ECE1: variants seen among roughly 807,000 people sequenced by gnomAD.
ECE1 encodes endothelin converting enzyme 1.
In ECE1, 35 loss-of-function variants were observed where a neutral mutation model predicts 98.6. The ratio of observed to expected loss-of-function variants is 0.35; its 90% CI spans 0.27 to 0.47. The LOEUF (loss-of-function observed/expected upper bound fraction) is 0.47. Ranked by LOEUF, ECE1 falls within the 20% of genes least tolerant of loss-of-function variation. ECE1 has a pLI of 1.00. For missense variants in ECE1, 814 were observed against 1,025.3 expected (o/e 0.79, Z 2.81); for synonymous variants, 394 against 407.1 (o/e 0.97, Z 0.39).
Position 21,238,260 on chromosome 1 carries a change from CAG to C in ECE1, c.1279-18_1279-17del. The C allele has an allele frequency of 1.2e-6, 2 of 1,605,102 alleles. No individual in the cohort carries two copies. Among genetic ancestry groups the C allele is most frequent in the Non-Finnish European group, 1.7e-6 (2 of 1,172,772 alleles). Reference sequence around the variant, plus strand: ...GAAGACAGGTCTGGAAAACACAAGTCAGGGGGCTCGCTGGGCCCCAGCCCTTT... The same window carrying C: ...GAAGACAGGTCTGGAAAACACAAGTCGGGGCTCGCTGGGCCCCAGCCCTTT... On this transcript the variant is annotated splice_polypyrimidine_tract_variant and intron_variant, in intron 10 of 18. Coordinates refer to ENST00000374893, the MANE Select transcript of ECE1 (RefSeq NM_001397.3).
intron 3 of ECE1, among the ~76,000 whole-genome samples, chr1:21,273,611 G>A (rs1051166792): frequency 6.6e-6 from 1 of 152,142 alleles, no homozygotes; most frequent in Admixed American, 6.5e-5. Context: ...GGAGGAAATA[G>A]GAAAAATCAC....
rs181972813 is a variant in ECE1, at chr1:21,217,683, G to A, written c.*2272C>T. 6.6e-6 allele frequency: 1 copy of A among 152,438 alleles called. No individual in the cohort carries two copies. Among genetic ancestry groups the A allele is most frequent in the African/African-American group, 2.4e-5 (1 of 41,466 alleles). 9.4% of individuals were successfully genotyped at this position (152,438 alleles called of 1,614,324 possible). ...AGGGTCGGGGGAGGGGAGGCAGAGG[G>A]GACACCATGGCTGGGAGAAGCCCGC... is the stretch of plus-strand genomic sequence containing the variant. On this transcript the variant is annotated 3_prime_UTR_variant, in exon 19 of 19. Transcript: ENST00000374893.
intron 9 of ECE1, among the ~76,000 whole-genome samples, chr1:21,246,722 TCA>T (rs1165795980): frequency 2.6e-5 from 4 of 152,112 alleles, no homozygotes; most frequent in Non-Finnish European, 5.9e-5. Flanking sequence ...AACAGTGCAA[TCA>T]CAGCTCACTA....
chr1:21,243,076 G>T (rs751168561), intron 10 of ECE1, among the ~76,000 whole-genome samples: 4 of 152,224 alleles, frequency 2.6e-5, no homozygotes, highest in Non-Finnish European at 5.9e-5. Context: ...CTGCAGAGCA[G>T]AGGCTGAGTG....
chr1:21,274,467 A>G (rs942877960), intron 3 of ECE1, among the ~76,000 whole-genome samples: 8 of 152,206 alleles, frequency 5.3e-5, no homozygotes, highest in African/African-American at 1.9e-4. Context: ...CAGTTTATCC[A>G]TCTAAAAGTT....
At chr1:21,250,959 A>T (rs1201372998) in intron 8 of ECE1, among the ~76,000 whole-genome samples, 1 of 147,238 alleles carries the variant, frequency 6.8e-6, no homozygotes, top group Non-Finnish European at 1.5e-5. Context: ...GTGAGCGGGG[A>T]TCGCGCCACT....
intron 10 of ECE1, among the ~76,000 whole-genome samples, chr1:21,243,076 G>C (rs751168561): frequency 2.6e-5 from 4 of 152,224 alleles, no homozygotes; most frequent in African/African-American, 4.8e-5. Context: ...CTGCAGAGCA[G>C]AGGCTGAGTG....
chr1:21,272,861 T>C lies in ECE1; in HGVS notation c.331A>G (p.Ile111Val), dbSNP rs2098241911. 2 of 1,614,236 alleles carry C rather than the reference T, an allele frequency of 1.2e-6. No individual in the cohort carries two copies. The highest frequency in any genetic ancestry group is 8.5e-7 in the Non-Finnish European group (1 of 1,180,044). Reference protein sequence around the residue: ...SEACVSVTSSILSSMDPTVDP... With the variant: ...SEACVSVTSSVLSSMDPTVDP... ...ACTGTGGGGTCCATGGAGCTCAAGA[T>C]GGAGCTGGTCACTGAGACACAAGCT... Residue 111 changes from isoleucine to valine, a missense_variant, in exon 4 of 19, where the codon ATC (isoleucine) becomes GTC (valine). Around this residue, in one of 3 missense-constraint regions of ECE1, gnomAD observed 257 missense variants for 278.9 expected, o/e 0.92. Transcript: ENST00000374893.
At chr1:21,252,242 G>C (rs2098213769) in intron 8 of ECE1, among the ~76,000 whole-genome samples, 1 of 152,224 alleles carries the variant, frequency 6.6e-6, no homozygotes, top group Non-Finnish European at 1.5e-5. Context: ...TGTCAGATAA[G>C]ATGTGTTGAA....
Position 21,345,444 on chromosome 1 carries a change from G to A in ECE1, c.-66C>T. The A allele has an allele frequency of 7.8e-7, 1 of 1,285,016 alleles. No homozygotes were observed. The highest frequency in any genetic ancestry group is 1.0e-6 in the Non-Finnish European group (1 of 1,001,154). 79.6% of individuals were successfully genotyped at this position (1,285,016 alleles called of 1,614,324 possible). A position where few individuals can be genotyped will look rare whatever the true frequency, so the allele number is the denominator to read the frequency against. ...CCCGGCTCCCGATTCCCAGCTCCGGGTTCCCTGCTCCCAGCCCAGCTGCTC... is the reference window on the plus strand; with the variant it reads ...CCCGGCTCCCGATTCCCAGCTCCGGATTCCCTGCTCCCAGCCCAGCTGCTC... On this transcript the variant is annotated 5_prime_UTR_variant, in exon 1 of 19. Coordinates refer to the ECE1 transcript ENST00000415912. This position sits in a 1 kb window ranked among gnomAD's most constrained non-coding sequence, Gnocchi z 5.1.
rs560416505 is a variant in ECE1 at position 21,341,041 on chromosome 1, G to A, written c.3+4335C>T. On this transcript the variant is annotated intron_variant, in intron 1 of 18. Coordinates refer to the ECE1 transcript ENST00000415912. ...GCACATTCTGCTCCCTCCACCCCCCGCCCCCCAACACTCTTCCCAGTCCCA... is the reference window on the plus strand; with the variant it reads ...GCACATTCTGCTCCCTCCACCCCCCACCCCCCAACACTCTTCCCAGTCCCA... Among the ~76,000 whole-genome samples the A allele has an allele frequency of 8.6e-4, 119 of 137,978 alleles. 3 individuals are homozygous for A. The South Asian group carries it at 0.026, about 30-fold the overall frequency. The allele number at this position is 137,978 out of a possible 152,430, so 90.5% of individuals were successfully genotyped here.
chr1:21,247,653 C>T (rs1055983094), intron 8 of ECE1, among the ~76,000 whole-genome samples: 1 of 152,150 alleles, frequency 6.6e-6, no homozygotes, highest in Admixed American at 6.5e-5. Flanking sequence ...TGCCAGGAGC[C>T]GTGGCAAATG....
rs886358656 is a variant in ECE1 at position 21,220,480 on chromosome 1, T to C, written c.2137-349A>G. On this transcript the variant is annotated intron_variant, in intron 18 of 18. Transcript: ENST00000374893. The surrounding 1 kb of genome is among the most constrained non-coding windows in gnomAD (Gnocchi z 5.0). Reference sequence around the variant, plus strand: ...TGCCACTGCATTCCAGCCTCGGTGATAGAGTGAGATCCTGTCTCAAAAAGC... The same window carrying C: ...TGCCACTGCATTCCAGCCTCGGTGACAGAGTGAGATCCTGTCTCAAAAAGC... 2.0e-5 allele frequency among the ~76,000 whole-genome samples: 3 copies of C among 151,702 alleles called. No individual in the cohort carries two copies. The highest frequency in any genetic ancestry group is 1.9e-4 in the East Asian group (1 of 5,160).
intron 1 of ECE1, among the ~76,000 whole-genome samples, chr1:21,328,988 C>T (rs34175062): frequency 3.3e-5 from 5 of 151,962 alleles, no homozygotes; most frequent in East Asian, 3.8e-4. Context: ...ATGACTGCTG[C>T]GAATCTCTCT....
intron 4 of ECE1, among the ~76,000 whole-genome samples, chr1:21,263,731 T>G (rs2098230160): frequency 6.6e-6 from 1 of 150,904 alleles, no homozygotes; most frequent in African/African-American, 2.4e-5. Flanking sequence ...CCGCCAGGAG[T>G]TGGTGTTCAT....
chr1:21,276,937 G>A (rs1218891187), intron 3 of ECE1, among the ~76,000 whole-genome samples: 7 of 152,070 alleles, frequency 4.6e-5, no homozygotes, highest in Non-Finnish European at 8.8e-5. Flanking sequence ...GGCTGGTCTC[G>A]AACATCTTGA....
Position 21,220,036 on chromosome 1 carries a change from G to A in ECE1, c.2232C>T (p.Ser744=). ...AGTGTTCTGAGAACTCCTTGGAATT[G>A]GAGAGGGAGCCGATGACCCGGAAGC... ...PSRFRVIGSL[S]NSKEFSEHFR... The change falls in exon 19 of 19, where the codon TCC becomes TCT. Residue 744 remains serine, a synonymous_variant. Coordinates refer to ENST00000374893, the MANE Select transcript of ECE1 (RefSeq NM_001397.3). This position sits in a 1 kb window ranked among gnomAD's most constrained non-coding sequence, Gnocchi z 5.0. 1 of 1,614,242 alleles carries A rather than the reference G, an allele frequency of 6.2e-7. No homozygotes were observed. Among genetic ancestry groups the A allele is most frequent in the Admixed American group, 1.7e-5 (1 of 60,022 alleles).
intron 4 of ECE1, chr1:21,267,395 G>A (rs186477037): frequency 1.3e-5 from 2 of 152,466 alleles, no homozygotes; most frequent in East Asian, 3.9e-4. Context: ...GGAGGAGCAA[G>A]TCACGTCTTA....
intron 1 of ECE1, among the ~76,000 whole-genome samples, chr1:21,335,113 G>A (rs555780377): frequency 2.0e-5 from 3 of 151,974 alleles, no homozygotes; most frequent in South Asian, 2.1e-4. Context: ...CCACACCAGC[G>A]TTCACCCCCT....
Sources: allele counts gnomAD v4.1 joint callset (sites outside exome capture counted in the v4.1 genomes callset), GRCh38; gene constraint gnomAD v4.1.1; regional missense constraint gnomAD v4.1.1; non-coding constraint Gnocchi (gnomAD v3.1); transcripts MANE v1.5; gene names NCBI Gene and HGNC (gene_info 2026-07-23, HGNC 2026-07-21).